Variants in VWA8 observed in about 807,000 individuals in gnomAD.
The protein encoded by VWA8 is von Willebrand factor A domain-containing protein 8.
VWA8 carries 221 observed loss-of-function variants against 241.5 expected under a neutral mutation model. The ratio of observed to expected loss-of-function variants is 0.91; its 90% CI spans 0.82 to 1.02. The LOEUF is 1.02. Among genes scored for constraint, VWA8 ranks in the 50% least tolerant of loss-of-function variants. The pLI is 0.00. For synonymous variants in VWA8, 852 were observed against 827.1 expected (o/e 1.03, Z -0.52); for missense variants, 2,322 against 2,328.7 (o/e 1.00, Z 0.06).
At chr13:41,671,646 G>A (rs2045025175) in intron 36 of VWA8, among the ~76,000 whole-genome samples, 1 of 152,084 alleles carries the variant, frequency 6.6e-6, no homozygotes, top group Non-Finnish European at 1.5e-5. Context: ...ATGAAGTTGT[G>A]AGGGTAGAGC....
intron 42 of VWA8, among the ~76,000 whole-genome samples, chr13:41,580,253 C>T (rs1002832805): frequency 6.6e-6 from 1 of 152,142 alleles, no homozygotes; most frequent in African/African-American, 2.4e-5. Context: ...ATTTCTACAT[C>T]CACAATTGAA....
At chr13:41,699,403 G>T in intron 28 of VWA8, 133 bp from the exon 29 acceptor site, 1 of 807,588 alleles carries the variant, frequency 1.2e-6, no homozygotes, top group Non-Finnish European at 2.0e-6. Context: ...TTGTATCATG[G>T]CTTGATTAGG....
intron 9 of VWA8, among the ~76,000 whole-genome samples, chr13:41,877,364 G>T (rs1873946554): frequency 1.3e-5 from 2 of 151,106 alleles, no homozygotes; most frequent in African/African-American, 2.4e-5. Flanking sequence ...GGTCATTACT[G>T]CTTTGACCAG....
At chr13:41,849,288 T>C (rs1451221204) in intron 12 of VWA8, among the ~76,000 whole-genome samples, 1 of 152,208 alleles carries the variant, frequency 6.6e-6, no homozygotes, top group African/African-American at 2.4e-5. Context: ...AAAGCATATA[T>C]TTACTTTTCA....
At chr13:41,693,810 A>G (rs981583169) in intron 29 of VWA8, among the ~76,000 whole-genome samples, 6 of 152,090 alleles carry the variant, frequency 3.9e-5, no homozygotes, top group African/African-American at 1.4e-4. Context: ...CTTTTTAGTT[A>G]AAATATAAAG....
chr13:41,827,894 A>G (rs2137995859), intron 14 of VWA8, among the ~76,000 whole-genome samples: 2 of 152,346 alleles, frequency 1.3e-5, no homozygotes, highest in South Asian at 4.1e-4. Context: ...GACAAGTAGA[A>G]TGCTTCTGAT....
At chr13:41,833,287 A>G in intron 13 of VWA8, 84 bp downstream of exon 13, 1 of 1,433,302 alleles carries the variant, frequency 7.0e-7, no homozygotes, top group South Asian at 1.6e-5. Flanking sequence ...TAAAAAAAAG[A>G]AAAAGAATGA....
At position 41,862,683 on chromosome 13, in the gene VWA8, T is replaced by A. The variant is rs143799074; in HGVS notation, c.1425+3053A>T. 3.0e-3 allele frequency among the ~76,000 whole-genome samples: 456 copies of A among 152,266 alleles called. 2 individuals are homozygous for A. Among genetic ancestry groups the A allele is most frequent in the African/African-American group, 0.01 (427 of 41,538 alleles). On this transcript the variant is annotated intron_variant, in intron 12 of 44. Coordinates refer to ENST00000379310, the MANE Select transcript of VWA8 (RefSeq NM_015058.2). ...AATGAATATATTTTAAAAAGGCTCA[T>A]CAACACTATCATCAGAGAAATGCAA...
At chr13:41,792,975 G>A (rs1349006281) in intron 17 of VWA8, among the ~76,000 whole-genome samples, 2 of 151,988 alleles carry the variant, frequency 1.3e-5, no homozygotes, top group African/African-American at 4.8e-5. Flanking sequence ...TATTTTTAAT[G>A]TAGCTAATCA....
intron 2 of VWA8, chr13:41,926,711 C>G: frequency 1.9e-6 from 1 of 536,606 alleles, no homozygotes; most frequent in South Asian, 1.4e-5. Context: ...CCCAGATGGC[C>G]CATAGGGCCA....
rs964776677 is a variant in VWA8 at position 41,570,451 on chromosome 13, G to A, written c.5609+17C>T. 4 of 1,606,256 alleles carry A rather than the reference G, an allele frequency of 2.5e-6. No individual in the cohort carries two copies. Among genetic ancestry groups the A allele is most frequent in the African/African-American group, 1.3e-5 (1 of 74,752 alleles). On this transcript the variant is annotated intron_variant, in intron 44 of 44. Coordinates refer to ENST00000379310, the MANE Select transcript of VWA8 (RefSeq NM_015058.2). Reference sequence around the variant, plus strand: ...TCTCTGTACCTGCCCTTTTCTGTATGCTCAGATGACACTTACCTGGTTGCT... The same window carrying A: ...TCTCTGTACCTGCCCTTTTCTGTATACTCAGATGACACTTACCTGGTTGCT...
At chr13:41,944,220 T>A (rs1877740535) in intron 2 of VWA8, among the ~76,000 whole-genome samples, 1 of 151,782 alleles carries the variant, frequency 6.6e-6, no homozygotes, top group South Asian at 2.1e-4. Context: ...AAAAAAACAA[T>A]AATAATGGCA....
intron 12 of VWA8, among the ~76,000 whole-genome samples, chr13:41,834,272 T>C (rs761567916): frequency 3.9e-5 from 6 of 152,192 alleles, no homozygotes; most frequent in Non-Finnish European, 8.8e-5. Context: ...ATATGAACAA[T>C]TTTTTCTTAC....
chr13:41,732,256 T>A, intron 21 of VWA8, 101 bp from the exon 22 acceptor site: 1 of 1,090,556 alleles, frequency 9.2e-7, no homozygotes, highest in Non-Finnish European at 1.3e-6. Flanking sequence ...AGATTTTTGT[T>A]CATCATCCTG....
At chr13:41,875,182 C>T (rs560064791) in intron 9 of VWA8, among the ~76,000 whole-genome samples, 2 of 152,072 alleles carry the variant, frequency 1.3e-5, no homozygotes, top group Non-Finnish European at 2.9e-5. Flanking sequence ...GAAAGGACTT[C>T]TGCTTTAACT....
At chr13:41,683,836 G>T (rs1273081255) in intron 35 of VWA8, among the ~76,000 whole-genome samples, 1 of 152,166 alleles carries the variant, frequency 6.6e-6, no homozygotes, top group Non-Finnish European at 1.5e-5. Context: ...TGGATGAAAT[G>T]TGGAGGATGA....
At chr13:41,676,408 T>C (rs2045060461) in intron 35 of VWA8, among the ~76,000 whole-genome samples, 1 of 152,176 alleles carries the variant, frequency 6.6e-6, no homozygotes, top group Non-Finnish European at 1.5e-5. Flanking sequence ...AATTGGTCTC[T>C]GAGAGCTGGA....
chr13:41,611,529 T>A (rs767545219), intron 39 of VWA8, 47 bp downstream of exon 39: 1 of 1,595,604 alleles, frequency 6.3e-7, no homozygotes, highest in South Asian at 1.1e-5. Flanking sequence ...CATCATGACA[T>A]TTCACCATAG....
At chr13:41,901,865 C>CAAAAA (rs1167305999) in intron 4 of VWA8, among the ~76,000 whole-genome samples, 17 of 24,660 alleles carry the variant, frequency 6.9e-4, no homozygotes, top group Admixed American at 9.9e-4. Context: ...GACTCCATCT[C>CAAAAA]AAAAAAAAAA....
Sources: allele counts gnomAD v4.1 joint callset (sites outside exome capture counted in the v4.1 genomes callset), GRCh38; gene constraint gnomAD v4.1.1; transcripts MANE v1.5; gene names NCBI Gene and HGNC (gene_info 2026-07-23, HGNC 2026-07-21).